The following CUX1 variants were observed in gnomAD, a reference collection of about 807,000 sequenced individuals.
CUX1 encodes cut like homeobox 1.
In CUX1, 31 loss-of-function variants were observed where a neutral mutation model predicts 158.8. The observed-to-expected ratio is 0.20, with a 90% CI of 0.15 to 0.26. CUX1 has a LOEUF of 0.26. Ranked by LOEUF, CUX1 falls within the 10% of genes least tolerant of loss-of-function variation. The pLI is 1.00. For missense variants in CUX1, 1,589 were observed against 2,014.6 expected, an observed-to-expected ratio of 0.79 and a Z score of 4.04; for synonymous variants, 879 against 862.1, an observed-to-expected ratio of 1.02 and a Z score of -0.34.
In CUX1 at chr7:102,249,476, CTGAAG is replaced by C; in HGVS notation, c.*437_*441del. 2 of 986,010 alleles carry C rather than the reference CTGAAG, an allele frequency of 2.0e-6. No homozygotes were observed. The highest frequency in any genetic ancestry group is 2.4e-6 in the Non-Finnish European group (2 of 830,026). The allele number at this position is 986,010 out of a possible 1,614,324, so 61.1% of individuals were successfully genotyped here. A position where few individuals can be genotyped will look rare whatever the true frequency, so the allele number is the denominator to read the frequency against. On this transcript the variant is annotated 3_prime_UTR_variant, in exon 24 of 24. Transcript: ENST00000292535. ...ATGTGTGGTCGAGCTTTTTTGTACC[CTGAAG>C]TGTTTTTTTTATTGCCCTAAGTGAT... is the stretch of plus-strand genomic sequence containing the variant.
intron 14 of CUX1, among the ~76,000 whole-genome samples, chr7:102,272,292 C>T (rs573043525): frequency 5.3e-5 from 8 of 152,346 alleles, no homozygotes; most frequent in South Asian, 4.1e-4. Context: ...GTATGACAGC[C>T]GGTCAGCAGG....
chr7:101,892,721 T>C (rs1801028276), intron 1 of CUX1, among the ~76,000 whole-genome samples: 1 of 152,166 alleles, frequency 6.6e-6, no homozygotes, highest in South Asian at 2.1e-4. Flanking sequence ...TTGTGTATAA[T>C]TTTGTGAGCT....
intron 2 of CUX1, among the ~76,000 whole-genome samples, chr7:101,976,399 G>T (rs1041454595): frequency 7.2e-5 from 11 of 152,050 alleles, no homozygotes; most frequent in African/African-American, 1.2e-4. Flanking sequence ...CTGAATAAAA[G>T]AAAATTTTAA....
intron 1 of CUX1, among the ~76,000 whole-genome samples, chr7:101,828,932 G>T (rs1181579021): frequency 2.7e-5 from 4 of 150,598 alleles, no homozygotes; most frequent in Non-Finnish European, 5.9e-5. Context: ...GGGGGAAGGG[G>T]TGTGCCCCCT....
intron 1 of CUX1, among the ~76,000 whole-genome samples, chr7:101,908,382 G>T (rs1027679341): frequency 6.6e-6 from 1 of 152,344 alleles, no homozygotes; most frequent in Middle Eastern, 3.4e-3. Context: ...CTGACCTCAG[G>T]TGATTTGCTC....
chr7:101,922,620 C>T (rs1805083849), intron 2 of CUX1, among the ~76,000 whole-genome samples: 1 of 152,188 alleles, frequency 6.6e-6, no homozygotes, highest in Non-Finnish European at 1.5e-5. Flanking sequence ...CACCTCTACT[C>T]TCCTTCTCCT....
chr7:102,052,485 G>C (rs1273686389), intron 3 of CUX1, among the ~76,000 whole-genome samples: 1 of 152,116 alleles, frequency 6.6e-6, no homozygotes, highest in Non-Finnish European at 1.5e-5. Context: ...TTTTATGGCT[G>C]AATAATATTC....
chr7:102,055,833 C>G (rs1445056415), intron 3 of CUX1, among the ~76,000 whole-genome samples: 1 of 152,146 alleles, frequency 6.6e-6, no homozygotes, highest in Non-Finnish European at 1.5e-5. Flanking sequence ...CCAGTTAGCC[C>G]AGTCATTAGT....
At chr7:102,162,057 G>T (rs1162473027) in intron 9 of CUX1, among the ~76,000 whole-genome samples, 1 of 151,994 alleles carries the variant, frequency 6.6e-6, no homozygotes, top group Admixed American at 6.6e-5. Context: ...GGGGTAGCAG[G>T]GAAAGACGGC....
chr7:102,239,273 C>T (rs1799910876), intron 22 of CUX1, 47 bp from the exon 23 acceptor site: 1 of 1,558,558 alleles, frequency 6.4e-7, no homozygotes, highest in South Asian at 1.2e-5. Context: ...ATTTGGGCTG[C>T]TGTCCCAGCT....
downstream of CUX1, among the ~76,000 whole-genome samples, chr7:102,258,454 G>A (rs922199187): frequency 1.3e-5 from 2 of 152,162 alleles, no homozygotes; most frequent in Non-Finnish European, 2.9e-5. Context: ...ATCTGCATCT[G>A]GTTCACAGGA....
rs142426310 is a variant in CUX1, at chr7:102,000,237, A to T, written c.142-27861A>T. Reference sequence around the variant, plus strand: ...ATCTCAAAAAAAAAAAGAGAGAGAGAGAGAGACCCTAGTTTAGCTCTTTTG... The same window carrying T: ...ATCTCAAAAAAAAAAAGAGAGAGAGTGAGAGACCCTAGTTTAGCTCTTTTG... On this transcript the variant is annotated intron_variant, in intron 2 of 23. Coordinates refer to ENST00000292535, the MANE Select transcript of CUX1 (RefSeq NM_181552.4). Among the ~76,000 whole-genome samples, 1,306 of 150,664 alleles carry T rather than the reference A, an allele frequency of 8.7e-3. 25 individuals are homozygous for T. The highest frequency in any genetic ancestry group is 0.03 in the African/African-American group (1,242 of 41,072).
rs549536880 is a variant in CUX1, at chr7:102,022,087, C to T, written c.142-6011C>T. Among the ~76,000 whole-genome samples the T allele has an allele frequency of 1.4e-4, 21 of 152,178 alleles. No individual in the cohort carries two copies. In the South Asian group the frequency reaches 3.5e-3, roughly 26 times the overall value. On this transcript the variant is annotated intron_variant, in intron 2 of 23. Coordinates refer to ENST00000292535, the MANE Select transcript of CUX1 (RefSeq NM_181552.4). ...AGAGAGCTCATGGGAATTGGGAGCA[C>T]GAGGCCCTAAGATGGAGCAGAGCCT...
At chr7:102,070,163 A>G (rs1825972778) in intron 3 of CUX1, among the ~76,000 whole-genome samples, 176 bp from the exon 4 acceptor site, 1 of 152,058 alleles carries the variant, frequency 6.6e-6, no homozygotes, top group African/African-American at 2.4e-5. Flanking sequence ...TCCCTTGTTT[A>G]CCTTCATGAA....
At chr7:101,974,421 C>T (rs1352696362) in intron 2 of CUX1, among the ~76,000 whole-genome samples, 2 of 152,098 alleles carry the variant, frequency 1.3e-5, no homozygotes, top group Admixed American at 1.3e-4. Context: ...ATGTGAAGTG[C>T]TGTATAATGA....
At chr7:101,932,727 A>G (rs1169444207) in intron 2 of CUX1, 1 of 403,246 alleles carries the variant, frequency 2.5e-6, no homozygotes, top group African/African-American at 2.1e-5. Flanking sequence ...ACGTATTTAA[A>G]TGATTGCTTT....
intron 18 of CUX1, among the ~76,000 whole-genome samples, chr7:102,203,450 G>A (rs1336999810): frequency 3.9e-5 from 6 of 152,220 alleles, no homozygotes; most frequent in East Asian, 1.9e-4. Context: ...GGTGGTGTCC[G>A]ATGGCGAACT....
At chr7:102,026,681 A>G (rs1285587080) in intron 2 of CUX1, among the ~76,000 whole-genome samples, 1 of 151,912 alleles carries the variant, frequency 6.6e-6, no homozygotes, top group Non-Finnish European at 1.5e-5. Context: ...TTAGCCAGGC[A>G]TGGTGGTGGG....
rs201628239 is a variant in CUX1, at chr7:102,283,119, C to T, written c.*29C>T. The T allele has an allele frequency of 1.4e-3, 2,276 of 1,581,668 alleles. 6 individuals are homozygous for T. Among genetic ancestry groups the T allele is most frequent in the South Asian group, 1.9e-3 (172 of 90,354 alleles). ...CCCGGGGCCTCCCCCGTGACAGTGA[C>T]GGCTGCGCCTCCACCCCGACTGCTC... On this transcript the variant is annotated 3_prime_UTR_variant, in exon 23 of 23. Transcript: ENST00000292538.
Sources: gnomAD v4.1 joint callset for allele counts (sites outside exome capture counted in the v4.1 genomes callset) on GRCh38, gnomAD v4.1.1 for gene constraint, MANE v1.5 for transcripts, NCBI Gene and HGNC (gene_info 2026-07-23, HGNC 2026-07-21) for gene names.